Variants in GLIS1 observed in about 807,000 individuals in gnomAD.
The protein encoded by GLIS1 is zinc finger protein GLIS1.
Under a neutral mutation model 63.8 loss-of-function variants are expected in GLIS1, and 24 were observed. The ratio of observed to expected loss-of-function variants is 0.38; its 90% CI spans 0.27 to 0.53. The LOEUF is 0.53. GLIS1 is among the 20% of genes least tolerant of loss of function. GLIS1 has a pLI of 0.85. For synonymous variants in GLIS1, 450 were observed against 482.5 expected, an observed-to-expected ratio of 0.93 and a Z score of 0.88; for missense variants, 1,036 against 1,074.1, an observed-to-expected ratio of 0.96 and a Z score of 0.50.
chr1:53,705,144 C>T (rs116417731), intron 2 of GLIS1, among the ~76,000 whole-genome samples: 1,872 of 152,250 alleles, frequency 0.012, 30 homozygotes, highest in African/African-American at 0.043. Context: ...AACTCAGTGT[C>T]GGGGCCCAGT....
chr1:53,723,428 T>C (rs1646776355), intron 2 of GLIS1, among the ~76,000 whole-genome samples: 1 of 151,958 alleles, frequency 6.6e-6, no homozygotes, highest in South Asian at 2.1e-4. Flanking sequence ...AGTGACAGTG[T>C]TCGCCATGTT....
At chr1:53,555,143 A>G (rs1644805972) in intron 4 of GLIS1, among the ~76,000 whole-genome samples, 1 of 152,108 alleles carries the variant, frequency 6.6e-6, no homozygotes, top group South Asian at 2.1e-4. Flanking sequence ...CCGCTCCCTT[A>G]CCTGTAAAGC....
rs547543606 is a variant in GLIS1 at position 53,509,869 on chromosome 1, G to A, written c.2042C>T (p.Pro681Leu). 20 of 1,307,158 alleles carry A rather than the reference G, an allele frequency of 1.5e-5. No individual in the cohort carries two copies. Among genetic ancestry groups the A allele is most frequent in the South Asian group, 6.6e-5 (2 of 30,350 alleles). 81.0% of individuals were successfully genotyped at this position (1,307,158 alleles called of 1,614,324 possible). A position where few individuals can be genotyped will look rare whatever the true frequency, so the allele number is the denominator to read the frequency against. The change falls in exon 9 of 11, where the codon CCG (proline) becomes CTG (leucine). Residue 681 changes from proline to leucine, a missense_variant. Coordinates refer to ENST00000628545, the MANE Select transcript of GLIS1 (RefSeq NM_001367484.1). ...SYPPFQSPPP[P>L]PLPSPQGYQG... ...CTTACCTTGTGGGCTGGGCAGAGGC[G>A]GGGGTGGAGGGCTCTGGAAGGGTGG... is the stretch of plus-strand genomic sequence containing the variant.
intron 1 of GLIS1, 69 bp from the exon 2 acceptor site, chr1:53,738,175 T>A: frequency 8.7e-6 from 8 of 924,842 alleles, no homozygotes; most frequent in Non-Finnish European, 1.1e-5. Flanking sequence ...CGGGGCCGAG[T>A]TTGAGCAGGT....
intron 4 of GLIS1, among the ~76,000 whole-genome samples, chr1:53,573,510 G>A (rs1645003491): frequency 6.6e-6 from 1 of 152,118 alleles, no homozygotes; most frequent in Non-Finnish European, 1.5e-5. Context: ...ACGTTGTATG[G>A]ACACACACAG....
rs530214601 is a variant in GLIS1, at chr1:53,610,473, C to T, written c.260-10195G>A. ...AGAATTCTAAGTTGGCAGTTATCTT[C>T]TTTCCATATATTATGGATTTATGCC... On this transcript the variant is annotated intron_variant, in intron 2 of 10. Transcript: ENST00000628545. 3.3e-5 allele frequency among the ~76,000 whole-genome samples: 5 copies of T among 152,318 alleles called. No homozygotes were observed. In the East Asian group the frequency reaches 9.6e-4, roughly 29 times the overall value.
At chr1:53,700,929 C>T (rs781309866) in intron 2 of GLIS1, among the ~76,000 whole-genome samples, 5 of 152,224 alleles carry the variant, frequency 3.3e-5, no homozygotes, top group African/African-American at 7.2e-5. Flanking sequence ...AAGGCTCATC[C>T]GTGTTGTAAG....
At chr1:53,585,017 T>C (rs1645120732) in intron 4 of GLIS1, among the ~76,000 whole-genome samples, 1 of 152,258 alleles carries the variant, frequency 6.6e-6, no homozygotes, top group South Asian at 2.1e-4. Flanking sequence ...TTCAATTCCA[T>C]TTACATTAAG....
chr1:53,682,937 G>T (rs564955103), intron 2 of GLIS1, among the ~76,000 whole-genome samples: 2 of 152,280 alleles, frequency 1.3e-5, no homozygotes, highest in East Asian at 3.9e-4. Flanking sequence ...AGGCACGAAG[G>T]GGGTATACAT....
rs1041382004 is a variant in GLIS1, at chr1:53,511,741, T to A, written c.1884-1714A>T. Among the ~76,000 whole-genome samples, 1 of 152,264 alleles carries A rather than the reference T, an allele frequency of 6.6e-6. No individual in the cohort carries two copies. The highest frequency in any genetic ancestry group is 1.5e-5 in the Non-Finnish European group (1 of 68,048). Reference sequence around the variant, plus strand: ...AAACCGTGGACAGCTGTGCACGAGCTGTGTGTTCTCATGACCAGTTCTGGC... The same window carrying A: ...AAACCGTGGACAGCTGTGCACGAGCAGTGTGTTCTCATGACCAGTTCTGGC... On this transcript the variant is annotated intron_variant, in intron 8 of 10. Coordinates refer to ENST00000628545, the MANE Select transcript of GLIS1 (RefSeq NM_001367484.1). This position sits in a 1 kb window ranked among gnomAD's most constrained non-coding sequence, Gnocchi z 4.2.
At chr1:53,629,687 C>T (rs1880861) in intron 2 of GLIS1, among the ~76,000 whole-genome samples, 13,424 of 152,290 alleles carry the variant, frequency 0.088, 783 homozygotes, top group South Asian at 0.19. Context: ...ATCAGGATCA[C>T]CTTCCTGCAA....
At chr1:53,606,611 A>G (rs138578978) in intron 2 of GLIS1, among the ~76,000 whole-genome samples, 1 of 152,322 alleles carries the variant, frequency 6.6e-6, no homozygotes, top group East Asian at 1.9e-4. Context: ...AAAATCCAGA[A>G]GCCCAGAGAC....
chr1:53,632,739 A>G (rs1645673083), intron 2 of GLIS1, among the ~76,000 whole-genome samples: 1 of 141,518 alleles, frequency 7.1e-6, no homozygotes, highest in African/African-American at 2.7e-5. Flanking sequence ...TATATGTGTG[A>G]CCGAGGGGCG....
intron 2 of GLIS1, among the ~76,000 whole-genome samples, chr1:53,608,796 C>T (rs1294740186): frequency 6.6e-6 from 1 of 152,226 alleles, no homozygotes; most frequent in Non-Finnish European, 1.5e-5. Flanking sequence ...ATGTTCCCAT[C>T]TCTCCAGATA....
At chr1:53,723,904 C>T (rs1250196835) in intron 2 of GLIS1, among the ~76,000 whole-genome samples, 2 of 152,210 alleles carry the variant, frequency 1.3e-5, no homozygotes, top group East Asian at 3.8e-4. Context: ...TAAGCTGCTG[C>T]TCAGGGCACT....
chr1:53,639,355 C>T lies in GLIS1; in HGVS notation c.260-39077G>A, dbSNP rs1394677596. On this transcript the variant is annotated intron_variant, in intron 2 of 10. Coordinates refer to ENST00000628545, the MANE Select transcript of GLIS1 (RefSeq NM_001367484.1). The surrounding 1 kb of genome is among the most constrained non-coding windows in gnomAD (Gnocchi z 4.6). ...CCCCTCCCTGCAGGCTGCTCTCCTT[C>T]CCATCTCCCATTGGCCCGCAGGGTG... Among the ~76,000 whole-genome samples the T allele has an allele frequency of 2.0e-5, 3 of 152,134 alleles. No individual in the cohort carries two copies. The highest frequency in any genetic ancestry group is 7.2e-5 in the African/African-American group (3 of 41,418).
chr1:53,627,256 C>T (rs1403774698), intron 2 of GLIS1, among the ~76,000 whole-genome samples: 1 of 152,134 alleles, frequency 6.6e-6, no homozygotes, highest in Non-Finnish European at 1.5e-5. Flanking sequence ...GGTCAGCTGG[C>T]CGATCGGGAG....
chr1:53,724,733 T>C (rs948101828), intron 2 of GLIS1, among the ~76,000 whole-genome samples: 2 of 152,176 alleles, frequency 1.3e-5, no homozygotes, highest in African/African-American at 4.8e-5. Flanking sequence ...TTACCCAGGC[T>C]GGTCTTGAAC....
At chr1:53,632,413 G>A (rs1208766440) in intron 2 of GLIS1, among the ~76,000 whole-genome samples, 1 of 148,350 alleles carries the variant, frequency 6.7e-6, no homozygotes, top group African/African-American at 2.5e-5. Flanking sequence ...TGTGACTGAG[G>A]GGCATGTGGA....
Sources: gnomAD v4.1 joint callset for allele counts (sites outside exome capture counted in the v4.1 genomes callset) on GRCh38, gnomAD v4.1.1 for gene constraint, Gnocchi (gnomAD v3.1) non-coding constraint, MANE v1.5 for transcripts, NCBI Gene and HGNC (gene_info 2026-07-23, HGNC 2026-07-21) for gene names.